The following HDAC4 variants were observed in gnomAD, a reference collection of about 807,000 sequenced individuals.
HDAC4 encodes the protein histone deacetylase 4.
Under a neutral mutation model 135.1 loss-of-function variants are expected in HDAC4, and 16 were observed. The ratio of observed to expected loss-of-function variants is 0.12; its 90% CI spans 0.08 to 0.18. The LOEUF (loss-of-function observed/expected upper bound fraction) is 0.18, where lower values mean the gene tolerates loss of function less well. Among genes scored for constraint, HDAC4 ranks in the 10% least tolerant of loss-of-function variants. HDAC4 has a pLI of 1.00. For missense variants in HDAC4, 1,143 were observed against 1,511.8 expected, an observed-to-expected ratio of 0.76 and a Z score of 4.05; for synonymous variants, 685 against 653.4, an observed-to-expected ratio of 1.05 and a Z score of -0.74.
At chr2:239,185,730 A>G (rs187498682) in intron 4 of HDAC4, among the ~76,000 whole-genome samples, 9 of 152,288 alleles carry the variant, frequency 5.9e-5, no homozygotes. Flanking sequence ...GGAGGCATTG[A>G]TCAGAAATGC....
At chr2:239,375,936 C>T (rs1694974993) in intron 1 of HDAC4, among the ~76,000 whole-genome samples, 1 of 152,240 alleles carries the variant, frequency 6.6e-6, no homozygotes, top group East Asian at 1.9e-4. Flanking sequence ...GCGAGTGTCA[C>T]CTGGACCACG....
At chr2:239,345,012 A>G (rs531935350) in intron 2 of HDAC4, among the ~76,000 whole-genome samples, 31 of 151,938 alleles carry the variant, frequency 2.0e-4, no homozygotes, top group African/African-American at 7.2e-4. Flanking sequence ...ACCTTGTCCA[A>G]GCTCCCCTGG....
chr2:239,181,217 C>A (rs1156523455), intron 4 of HDAC4, among the ~76,000 whole-genome samples: 1 of 152,246 alleles, frequency 6.6e-6, no homozygotes, highest in Non-Finnish European at 1.5e-5. Flanking sequence ...TCAATTCCAG[C>A]CAGGAGCACG....
At chr2:239,375,053 C>T (rs560142783) in intron 1 of HDAC4, among the ~76,000 whole-genome samples, 3 of 152,262 alleles carry the variant, frequency 2.0e-5, no homozygotes, top group South Asian at 2.1e-4. Context: ...TTGCCTGCTG[C>T]GGGCAGGAAG....
At chr2:239,072,951 G>A (rs541213704) in intron 22 of HDAC4, among the ~76,000 whole-genome samples, 4 of 152,192 alleles carry the variant, frequency 2.6e-5, no homozygotes, top group Non-Finnish European at 5.9e-5. Context: ...CATCAGGGAC[G>A]CTGAGGCAAC....
At chr2:239,095,664 CG>C (rs2152740863) in intron 16 of HDAC4, among the ~76,000 whole-genome samples, 1 of 152,304 alleles carries the variant, frequency 6.6e-6, no homozygotes, top group South Asian at 2.1e-4. Context: ...CCATGGAAAT[CG>C]GGGCCCTCGA....
intron 14 of HDAC4, among the ~76,000 whole-genome samples, chr2:239,111,205 C>T (rs1371010571): frequency 1.3e-5 from 2 of 152,222 alleles, no homozygotes; most frequent in African/African-American, 2.4e-5. Flanking sequence ...ATTCCTGAGC[C>T]GGACCAGAAG....
At chr2:239,181,009 C>T (rs1031983885) in intron 4 of HDAC4, among the ~76,000 whole-genome samples, 1 of 152,236 alleles carries the variant, frequency 6.6e-6, no homozygotes, top group African/African-American at 2.4e-5. Flanking sequence ...GCTTGGAGTC[C>T]AGGGCAGTGG....
intron 6 of HDAC4, 51 bp downstream of exon 6, chr2:239,163,752 C>A (rs1387772691): frequency 1.3e-6 from 2 of 1,590,204 alleles, no homozygotes; most frequent in African/African-American, 2.7e-5. Flanking sequence ...ATCAGACAGT[C>A]CTCTGGGCCC....
chr2:239,124,236 C>G (rs550836637), intron 12 of HDAC4, among the ~76,000 whole-genome samples: 170 of 152,268 alleles, frequency 1.1e-3, no homozygotes, highest in African/African-American at 4.0e-3. Flanking sequence ...GCAGTCATCA[C>G]CATATCTAAT....
intron 2 of HDAC4, among the ~76,000 whole-genome samples, chr2:239,293,295 C>T (rs1202905027): frequency 6.6e-6 from 1 of 152,224 alleles, no homozygotes; most frequent in Admixed American, 6.5e-5. Flanking sequence ...TAGCAGTTGC[C>T]TTCTGAATTT....
intron 2 of HDAC4, among the ~76,000 whole-genome samples, chr2:239,289,337 GA>G (rs34973255): frequency 6.6e-6 from 1 of 152,124 alleles, no homozygotes; most frequent in Non-Finnish European, 1.5e-5. Flanking sequence ...AATGAAATAC[GA>G]AAAAGCACTA....
intron 1 of HDAC4, among the ~76,000 whole-genome samples, chr2:239,399,416 C>A (rs544213143): frequency 1.3e-5 from 2 of 152,302 alleles, no homozygotes; most frequent in African/African-American, 4.8e-5. Context: ...CCTCCCTCTC[C>A]CCAGCCACCA....
intron 25 of HDAC4, 68 bp from the exon 26 acceptor site, chr2:239,053,669 A>T: frequency 7.0e-7 from 1 of 1,434,660 alleles, no homozygotes; most frequent in South Asian, 1.2e-5. Flanking sequence ...AGGCCCGGGA[A>T]GGTCCTGCGG....
rs370014612 is a variant in HDAC4 at position 239,081,016 on chromosome 2, C to T, written c.2750+79G>A. On this transcript the variant is annotated intron_variant, in intron 22 of 26. Coordinates refer to ENST00000543185, the MANE Select transcript of HDAC4 (RefSeq NM_001378414.1). ...ACAGACCAGTTTCAGACACGCTCATCTCCAACAAGTGCTTCCTGGAATGTG... is the reference window on the plus strand; with the variant it reads ...ACAGACCAGTTTCAGACACGCTCATTTCCAACAAGTGCTTCCTGGAATGTG... The T allele has an allele frequency of 1.1e-5, 12 of 1,133,232 alleles. No individual in the cohort carries two copies. The African/African-American group carries it at 1.8e-4, about 17-fold the overall frequency. The allele number at this position is 1,133,232 out of a possible 1,614,324, so 70.2% of individuals were successfully genotyped here. A position where few individuals can be genotyped will look rare whatever the true frequency, so the allele number is the denominator to read the frequency against.
chr2:239,221,609 GACAC>G (rs3838519), intron 3 of HDAC4, among the ~76,000 whole-genome samples: 11,618 of 148,942 alleles, frequency 0.078, 748 homozygotes, highest in East Asian at 0.32. Flanking sequence ...CTGAGAGTGG[GACAC>G]ACACACACAC....
At chr2:239,351,073 G>A (rs563594521) in intron 2 of HDAC4, among the ~76,000 whole-genome samples, 2 of 152,322 alleles carry the variant, frequency 1.3e-5, no homozygotes, top group East Asian at 1.9e-4. Flanking sequence ...TCTTACACTG[G>A]AATTAGGAAG....
intron 18 of HDAC4, among the ~76,000 whole-genome samples, chr2:239,089,000 G>A (rs867522165): frequency 2.6e-5 from 4 of 151,926 alleles, no homozygotes; most frequent in African/African-American, 7.2e-5. Context: ...ACGAAGGATC[G>A]ATTTGATCTC....
chr2:239,113,907 C>A lies in HDAC4; in HGVS notation c.1791+1146G>T, dbSNP rs372722503. Among the ~76,000 whole-genome samples the A allele has an allele frequency of 4.0e-5, 6 of 150,638 alleles. No homozygotes were observed. The East Asian group carries it at 9.7e-4, about 24-fold the overall frequency. ...TGCCCGGGGTGCTAATTAAGAAGGCCCAGAAATTAGAGACAGGCCCCCCTC... is the reference window on the plus strand; with the variant it reads ...TGCCCGGGGTGCTAATTAAGAAGGCACAGAAATTAGAGACAGGCCCCCCTC... On this transcript the variant is annotated intron_variant, in intron 13 of 26. Transcript: ENST00000543185.
Sources: gnomAD v4.1 joint callset for allele counts (sites outside exome capture counted in the v4.1 genomes callset) on GRCh38, gnomAD v4.1.1 for gene constraint, MANE v1.5 for transcripts, NCBI Gene and HGNC (gene_info 2026-07-23, HGNC 2026-07-21) for gene names.